Variants in IFNGR2 observed in about 807,000 individuals in gnomAD.
The protein encoded by IFNGR2 is IFN-gamma receptor 2.
A neutral mutation model predicts 41.1 loss-of-function variants in IFNGR2; 15 were observed. That is an observed-to-expected ratio of 0.37 (90% CI 0.24 to 0.56). The LOEUF (loss-of-function observed/expected upper bound fraction) is 0.56. Among genes scored for constraint, IFNGR2 ranks in the 20% least tolerant of loss-of-function variants. The pLI, the probability that IFNGR2 is intolerant of heterozygous loss-of-function variation, is 0.81. For missense variants in IFNGR2, 362 were observed against 415.7 expected (o/e 0.87, Z 1.12); for synonymous variants, 161 against 171.6 (o/e 0.94, Z 0.48).
intron 1 of IFNGR2, among the ~76,000 whole-genome samples, chr21:33,413,983 C>A (rs1022121613): frequency 1.3e-5 from 2 of 151,946 alleles, no homozygotes; most frequent in African/African-American, 4.8e-5. Context: ...CAGGCGCTCA[C>A]CACCGCACCT....
intron 4 of IFNGR2, among the ~76,000 whole-genome samples, chr21:33,429,384 G>A (rs2083866557): frequency 1.3e-5 from 2 of 151,960 alleles, no homozygotes; most frequent in African/African-American, 4.8e-5. Context: ...TGTCTCCCAG[G>A]GTAGAGTGCA....
At chr21:33,424,388 C>T (rs941055478) in intron 3 of IFNGR2, among the ~76,000 whole-genome samples, 37 of 152,236 alleles carry the variant, frequency 2.4e-4, no homozygotes, top group Admixed American at 2.3e-3. Context: ...ACAGTGGGTC[C>T]GGTGCCAGCC....
At chr21:33,406,647 A>G (rs1376462763) in intron 1 of IFNGR2, among the ~76,000 whole-genome samples, 2 of 139,694 alleles carry the variant, frequency 1.4e-5, no homozygotes, top group East Asian at 2.3e-4. Flanking sequence ...AGTGTTGGAA[A>G]CTTTTTTTTT....
At chr21:33,410,768 A>T in intron 1 of IFNGR2, 1 of 1,103,076 alleles carries the variant, frequency 9.1e-7, no homozygotes, top group Non-Finnish European at 1.4e-6. Context: ...ACGCCCATCC[A>T]ATTAGAATAA....
chr21:33,428,136 T>A (rs2083855912), intron 4 of IFNGR2, among the ~76,000 whole-genome samples: 1 of 151,964 alleles, frequency 6.6e-6, no homozygotes, highest in African/African-American at 2.4e-5. Flanking sequence ...AGAGCAGAGA[T>A]GCCTAGCTTC....
At chr21:33,415,216 A>G (rs1173671400) in intron 2 of IFNGR2, among the ~76,000 whole-genome samples, 196 bp downstream of exon 2, 2 of 152,120 alleles carry the variant, frequency 1.3e-5, no homozygotes, top group East Asian at 1.9e-4. Flanking sequence ...CTTAAACTAC[A>G]CTGGCAGTCA....
intron 2 of IFNGR2, among the ~76,000 whole-genome samples, chr21:33,421,157 C>A (rs1207133440): frequency 6.6e-6 from 1 of 152,064 alleles, no homozygotes; most frequent in African/African-American, 2.4e-5. Context: ...CATGGTGACA[C>A]CCCATCTCTA....
Position 33,437,212 on chromosome 21 carries a change from A to G in IFNGR2, c.*250A>G, listed in dbSNP as rs1437681710. The G allele has an allele frequency of 2.1e-6, 1 of 481,082 alleles. No individual in the cohort carries two copies. The highest frequency in any genetic ancestry group is 3.8e-6 in the Non-Finnish European group (1 of 266,212). The allele number at this position is 481,082 out of a possible 1,614,324, so 29.8% of individuals were successfully genotyped here. A position where few individuals can be genotyped will look rare whatever the true frequency, so the allele number is the denominator to read the frequency against. ...TCCCAGGAAAATTAAGGCTTCTCTT[A>G]AACACTAAAAAGGCATGTAATTGCT... is the stretch of plus-strand genomic sequence containing the variant. On this transcript the variant is annotated 3_prime_UTR_variant, in exon 7 of 7. Transcript: ENST00000290219.
chr21:33,419,499 G>C (rs925950620), intron 2 of IFNGR2, among the ~76,000 whole-genome samples: 1 of 151,764 alleles, frequency 6.6e-6, no homozygotes, highest in Non-Finnish European at 1.5e-5. Context: ...AACCAGACTG[G>C]GGTCACACTT....
Position 33,437,134 on chromosome 21 carries a change from T to C in IFNGR2, c.*172T>C, listed in dbSNP as rs570942852. 1.7e-4 allele frequency: 100 copies of C among 603,606 alleles called. No individual in the cohort carries two copies. Among genetic ancestry groups the C allele is most frequent in the Non-Finnish European group, 2.6e-4 (89 of 344,524 alleles). 37.4% of individuals were successfully genotyped at this position (603,606 alleles called of 1,614,324 possible). A position where few individuals can be genotyped will look rare whatever the true frequency, so the allele number is the denominator to read the frequency against. On this transcript the variant is annotated 3_prime_UTR_variant, in exon 7 of 7. Transcript: ENST00000290219. ...CTCATGGGGGTGACAAGCTTTTTTT[T>C]TTTTTCTTAAAGAATTTTCAAAATC... is the stretch of plus-strand genomic sequence containing the variant.
In IFNGR2 at chr21:33,433,641, A is replaced by T. The variant is rs1274308467; in HGVS notation, c.879+770A>T. Among the ~76,000 whole-genome samples the T allele has an allele frequency of 2.0e-5, 3 of 152,286 alleles. No individual in the cohort carries two copies. In the East Asian group the frequency reaches 5.8e-4, roughly 29 times the overall value. On this transcript the variant is annotated intron_variant, in intron 6 of 6. Coordinates refer to ENST00000290219, the MANE Select transcript of IFNGR2 (RefSeq NM_005534.4). ...TGGGAAGTTCGTGTTGAATGGGGCC[A>T]GAGTTTCAGTTCTGGGGCTGTACAG...
chr21:33,433,504 A>T (rs1003773248), intron 6 of IFNGR2, among the ~76,000 whole-genome samples: 1 of 152,222 alleles, frequency 6.6e-6, no homozygotes, highest in Non-Finnish European at 1.5e-5. Context: ...TGAGTAGAGT[A>T]GGGCAGTCAC....
chr21:33,433,886 C>A (rs2083916540), intron 6 of IFNGR2, among the ~76,000 whole-genome samples: 1 of 151,902 alleles, frequency 6.6e-6, no homozygotes, highest in South Asian at 2.1e-4. Flanking sequence ...GTCTCCTCTG[C>A]TGTCTGGAGA....
At chr21:33,420,088 C>T (rs377026361) in intron 2 of IFNGR2, among the ~76,000 whole-genome samples, 4 of 152,252 alleles carry the variant, frequency 2.6e-5, no homozygotes, top group East Asian at 1.9e-4. Context: ...GTATCTATGG[C>T]GGGTGTCTTC....
chr21:33,426,777 C>CTATA (rs146481328), intron 3 of IFNGR2, 107 bp from the exon 4 acceptor site: 662 of 537,780 alleles, frequency 1.2e-3, no homozygotes, highest in South Asian at 2.3e-3. Flanking sequence ...TCTACACCCA[C>CTATA]TATATATATA....
At chr21:33,426,590 G>A (rs545178981) in intron 3 of IFNGR2, among the ~76,000 whole-genome samples, 4 of 151,542 alleles carry the variant, frequency 2.6e-5, no homozygotes, top group African/African-American at 4.8e-5. Context: ...GGTGGCACAC[G>A]CCTGTTGTAA....
intron 4 of IFNGR2, among the ~76,000 whole-genome samples, chr21:33,427,922 G>T (rs1171966231): frequency 1.4e-5 from 2 of 145,844 alleles, no homozygotes; most frequent in Non-Finnish European, 3.0e-5. Context: ...TAGAGACAGG[G>T]TTTTTACCAC....
At chr21:33,436,223 TGC>T (rs2083949161) in intron 6 of IFNGR2, among the ~76,000 whole-genome samples, 4 of 148,100 alleles carry the variant, frequency 2.7e-5, no homozygotes, top group Non-Finnish European at 6.0e-5. Flanking sequence ...GGTGTGGTGG[TGC>T]ATGCCTGTAA....
chr21:33,428,225 T>A (rs536120085), intron 4 of IFNGR2, among the ~76,000 whole-genome samples: 14 of 141,460 alleles, frequency 9.9e-5, no homozygotes, highest in African/African-American at 2.6e-4. Flanking sequence ...TTTTTTTTTT[T>A]AATTATTGTT....
Sources: allele counts gnomAD v4.1 joint callset (sites outside exome capture counted in the v4.1 genomes callset), GRCh38; gene constraint gnomAD v4.1.1; transcripts MANE v1.5; gene names NCBI Gene and HGNC (gene_info 2026-07-23, HGNC 2026-07-21).